Variants in MCTP2 observed in about 807,000 individuals in gnomAD.
MCTP2 encodes multiple C2 and transmembrane domain containing 2.
A neutral mutation model predicts 111.6 loss-of-function variants in MCTP2; 132 were observed. The observed-to-expected ratio is 1.18, with a 90% confidence interval of 1.03 to 1.37. The LOEUF is 1.37. Ranked by LOEUF, MCTP2 falls within the 40% of genes most tolerant of loss-of-function variation. The pLI, the probability that MCTP2 is intolerant of heterozygous loss-of-function variation, is 0.00. For synonymous variants in MCTP2, 395 were observed against 387.7 expected (o/e 1.02, Z -0.22); for missense variants, 1,183 against 1,067.9 (o/e 1.11, Z -1.50).
intron 20 of MCTP2, among the ~76,000 whole-genome samples, chr15:94,463,406 TACTC>T (rs2085332751): frequency 6.6e-6 from 1 of 152,318 alleles, no homozygotes; most frequent in African/African-American, 2.4e-5. Flanking sequence ...TTCTACCTGT[TACTC>T]ACATATAGAC....
At chr15:94,478,833 G>A in intron 22 of MCTP2, 133 bp from the exon 23 acceptor site, 1 of 705,502 alleles carries the variant, frequency 1.4e-6, no homozygotes. Context: ...CCATGTTCCT[G>A]TGTTTAGAAA....
intron 20 of MCTP2, among the ~76,000 whole-genome samples, chr15:94,467,154 T>G (rs371596670): frequency 3.3e-5 from 5 of 152,142 alleles, no homozygotes; most frequent in Non-Finnish European, 7.4e-5. Flanking sequence ...GATGGGAAAA[T>G]GAAAGCACAG....
chr15:94,311,329 G>A (rs554651052), intron 2 of MCTP2, among the ~76,000 whole-genome samples: 10 of 151,970 alleles, frequency 6.6e-5, no homozygotes, highest in African/African-American at 2.4e-4. Context: ...ACTCAGCCTA[G>A]GAACATTTTT....
intron 4 of MCTP2, among the ~76,000 whole-genome samples, chr15:94,318,194 T>C (rs2076459628): frequency 6.6e-6 from 1 of 152,134 alleles, no homozygotes; most frequent in Admixed American, 6.5e-5. Flanking sequence ...AGAGAGTGTG[T>C]ATTTTACATT....
intron 2 of MCTP2, among the ~76,000 whole-genome samples, chr15:94,307,422 A>G (rs1287321949): frequency 6.6e-6 from 1 of 152,162 alleles, no homozygotes; most frequent in Non-Finnish European, 1.5e-5. Context: ...AGCAAGCATA[A>G]AGGCCCCAGG....
At chr15:94,296,382 A>G (rs1347695485) in intron 1 of MCTP2, among the ~76,000 whole-genome samples, 1 of 152,240 alleles carries the variant, frequency 6.6e-6, no homozygotes, top group East Asian at 1.9e-4. Flanking sequence ...ATACAAAGTA[A>G]TTGAAACAAT....
At chr15:94,434,371 C>G (rs1343332452) in intron 17 of MCTP2, among the ~76,000 whole-genome samples, 2 of 133,762 alleles carry the variant, frequency 1.5e-5, no homozygotes, top group Non-Finnish European at 3.3e-5. Flanking sequence ...AGCCACCACT[C>G]CCAGCCTATT....
chr15:94,257,566 G>GTTGTTTTTTTTTTTTTTTTTTTTTTTTTT (rs2072875738), intron 1 of MCTP2, among the ~76,000 whole-genome samples: 1 of 73,006 alleles, frequency 1.4e-5, no homozygotes. Context: ...CATTTTCTTT[G>GTTGTTTTTTTTTTTTTTTTTTTTTTTTTT]TTGTTTTTTT....
intron 4 of MCTP2, among the ~76,000 whole-genome samples, chr15:94,337,520 G>A (rs2077419655): frequency 6.7e-6 from 1 of 149,156 alleles, no homozygotes; most frequent in Non-Finnish European, 1.5e-5. Context: ...ATATCAGAAT[G>A]ATTGTTAAAG....
chr15:94,310,887 A>G (rs2076096392), intron 2 of MCTP2, among the ~76,000 whole-genome samples: 1 of 151,786 alleles, frequency 6.6e-6, no homozygotes, highest in Non-Finnish European at 1.5e-5. Context: ...GGCTGCAGTG[A>G]GCTATGAATA....
intron 14 of MCTP2, among the ~76,000 whole-genome samples, chr15:94,397,539 G>A (rs1335214024): frequency 1.3e-5 from 2 of 152,178 alleles, no homozygotes; most frequent in East Asian, 3.9e-4. Context: ...ATCCTGTTTG[G>A]ACACCGTTTA....
chr15:94,340,191 C>T lies in MCTP2; in HGVS notation c.781-8C>T. 6.2e-7 allele frequency: 1 copy of T among 1,602,854 alleles called. No homozygotes were observed. The highest frequency in any genetic ancestry group is 8.5e-7 in the Non-Finnish European group (1 of 1,170,480). On this transcript the variant is annotated splice_region_variant and splice_polypyrimidine_tract_variant and intron_variant, in intron 5 of 22. Transcript: ENST00000357742. Reference sequence around the variant, plus strand: ...TAATGTGTTAATTGACCTCTGTCCTCTTTGTAGGTATATGATCGAGATTTA... The same window carrying T: ...TAATGTGTTAATTGACCTCTGTCCTTTTTGTAGGTATATGATCGAGATTTA...
intron 1 of MCTP2, among the ~76,000 whole-genome samples, chr15:94,262,644 A>G (rs894352022): frequency 2.0e-5 from 3 of 150,636 alleles, no homozygotes; most frequent in African/African-American, 7.3e-5. Context: ...TCTCTATGGA[A>G]AAACCTCTAT....
chr15:94,459,815 A>G (rs2085073141), intron 20 of MCTP2, among the ~76,000 whole-genome samples: 1 of 152,232 alleles, frequency 6.6e-6, no homozygotes, highest in African/African-American at 2.4e-5. Flanking sequence ...CAATAATGAT[A>G]GCAACACCAA....
At chr15:94,296,795 A>G (rs560155186) in intron 1 of MCTP2, among the ~76,000 whole-genome samples, 1 of 152,312 alleles carries the variant, frequency 6.6e-6, no homozygotes, top group African/African-American at 2.4e-5. Context: ...ATTGTAACCC[A>G]TGGAGTCTGT....
intron 4 of MCTP2, among the ~76,000 whole-genome samples, chr15:94,328,131 C>CTTTT (rs61495849): frequency 1.4e-5 from 2 of 138,766 alleles, no homozygotes; most frequent in Non-Finnish European, 1.5e-5. Flanking sequence ...TATTTCTTTT[C>CTTTT]TTTTTTTTTT....
chr15:94,368,084 C>G (rs2079293891), intron 11 of MCTP2, among the ~76,000 whole-genome samples: 1 of 151,880 alleles, frequency 6.6e-6, no homozygotes, highest in Non-Finnish European at 1.5e-5. Context: ...GAAGCAGACT[C>G]CTGCTTAGGC....
intron 4 of MCTP2, among the ~76,000 whole-genome samples, chr15:94,333,949 AGAGAC>A (rs2077241270): frequency 2.6e-5 from 4 of 152,360 alleles, no homozygotes; most frequent in Middle Eastern, 3.4e-3. Context: ...ATCAAACCTA[AGAGAC>A]GATGATATAA....
Position 94,401,969 on chromosome 15 carries a change from A to G in MCTP2, c.2035A>G (p.Lys679Glu). Residue 679 changes from lysine (K) to glutamate (E), a missense_variant, in exon 17 of 23, where the codon AAA (lysine) becomes GAA (glutamate). Coordinates refer to ENST00000357742, the MANE Select transcript of MCTP2 (RefSeq NM_001385001.1). ...MAIWNTMQFL[K>E]SCFQWESTLR... ...AATATGGAATACAATGCAGTTCCTT[A>G]AAAGCTGCTTCCAGTGGGAATCCAC... 1 of 1,613,618 alleles carries G rather than the reference A, an allele frequency of 6.2e-7. No individual in the cohort carries two copies. Among genetic ancestry groups the G allele is most frequent in the Non-Finnish European group, 8.5e-7 (1 of 1,179,620 alleles).
Sources: gnomAD v4.1 joint callset for allele counts (sites outside exome capture counted in the v4.1 genomes callset) on GRCh38, gnomAD v4.1.1 for gene constraint, MANE v1.5 for transcripts, NCBI Gene and HGNC (gene_info 2026-07-23, HGNC 2026-07-21) for gene names.